The following SYCP2 variants were observed in gnomAD, a reference collection of about 807,000 sequenced individuals.
The protein encoded by SYCP2 is synaptonemal complex protein 2, also known as synaptonemal complex lateral element protein.
SYCP2 carries 55 observed loss-of-function variants against 211.3 expected under a neutral mutation model. The ratio of observed to expected loss-of-function variants is 0.26; its 90% CI spans 0.21 to 0.33. The LOEUF is 0.33. Ranked by LOEUF, SYCP2 falls within the 10% of genes least tolerant of loss-of-function variation. The probability of loss-of-function intolerance (pLI) is 1.00; values close to 1 mark genes in which losing one functional copy is unlikely to be tolerated. For missense variants in SYCP2, 1,731 were observed against 1,752.0 expected, an observed-to-expected ratio of 0.99 and a Z score of 0.21; for synonymous variants, 570 against 555.2, an observed-to-expected ratio of 1.03 and a Z score of -0.37.
Position 59,875,475 on chromosome 20 carries a change from T to A in SYCP2, c.3151-6A>T. 1 of 1,601,408 alleles carries A rather than the reference T, an allele frequency of 6.2e-7. No homozygotes were observed. The highest frequency in any genetic ancestry group is 8.5e-7 in the Non-Finnish European group (1 of 1,173,742). The stretch of plus-strand genomic sequence containing the variant: ...CTGGAATGGATATTCTCCTCCTAAA[T>A]GTATCAATAACTTTCAAATTATACT... On this transcript the variant is annotated splice_region_variant and splice_polypyrimidine_tract_variant and intron_variant, in intron 33 of 44. Coordinates refer to ENST00000357552, the MANE Select transcript of SYCP2 (RefSeq NM_014258.4).
At chr20:59,926,538 A>C (rs1424923448) in intron 2 of SYCP2, among the ~76,000 whole-genome samples, 5 of 152,034 alleles carry the variant, frequency 3.3e-5, no homozygotes, top group Admixed American at 3.3e-4. Flanking sequence ...GTTAGGGCCC[A>C]CCCTAATAAC....
At chr20:59,877,103 G>C (rs1378911801) in intron 33 of SYCP2, among the ~76,000 whole-genome samples, 1 of 151,996 alleles carries the variant, frequency 6.6e-6, no homozygotes, top group East Asian at 1.9e-4. Flanking sequence ...CTTTATTAAA[G>C]CCTAATTTTA....
chr20:59,899,906 T>G (rs946798226), intron 18 of SYCP2: 1 of 479,354 alleles, frequency 2.1e-6, no homozygotes, highest in Non-Finnish European at 3.7e-6. Context: ...ATCTCTAATC[T>G]GCAATTTACA....
intron 14 of SYCP2, among the ~76,000 whole-genome samples, chr20:59,907,678 TTAA>T (rs1366573405): frequency 1.3e-5 from 2 of 152,202 alleles, no homozygotes; most frequent in African/African-American, 4.8e-5. Flanking sequence ...AGAATGACTG[TTAA>T]TATTATATTT....
rs2060816633 is a variant in SYCP2 at position 59,933,565 on chromosome 20, C to A, written c.-140+4G>T. On this transcript the variant is annotated splice_donor_region_variant and intron_variant, in intron 1 of 44. Coordinates refer to ENST00000357552, the MANE Select transcript of SYCP2 (RefSeq NM_014258.4). ...AGCCCACCCAGGCACTCTGCTCAAC[C>A]TGCCTGCGGCAGGAGGCGTCCGCGT... 6.6e-6 allele frequency: 1 copy of A among 152,188 alleles called. No individual in the cohort carries two copies. The highest frequency in any genetic ancestry group is 2.1e-4 in the South Asian group (1 of 4,834). The allele number at this position is 152,188 out of a possible 1,614,324, so 9.4% of individuals were successfully genotyped here.
At chr20:59,870,062 A>G (rs2059421553) in intron 35 of SYCP2, 79 bp from the exon 36 acceptor site, 2 of 949,744 alleles carry the variant, frequency 2.1e-6, no homozygotes, top group African/African-American at 1.7e-5. Context: ...AGAGTTGAAC[A>G]TAAGAAACAT....
chr20:59,919,485 A>AT lies in SYCP2; in HGVS notation c.402+7dup, dbSNP rs1471830318. On this transcript the variant is annotated splice_region_variant and intron_variant, in intron 6 of 44. Transcript: ENST00000357552. ...TATAAATATCAGTGTAATCAATGTGATTTTTACCAGCAGAAGATCAACTAA... is the reference window on the plus strand; with the variant it reads ...TATAAATATCAGTGTAATCAATGTGATTTTTTACCAGCAGAAGATCAACTAA... 1 of 1,545,864 alleles carries AT rather than the reference A, an allele frequency of 6.5e-7. No homozygotes were observed. Among genetic ancestry groups the AT allele is most frequent in the Non-Finnish European group, 8.9e-7 (1 of 1,122,346 alleles).
At chr20:59,878,403 G>A (rs2059602064) in intron 31 of SYCP2, among the ~76,000 whole-genome samples, 1 of 152,074 alleles carries the variant, frequency 6.6e-6, no homozygotes, top group Admixed American at 6.6e-5. Flanking sequence ...AACTTTTACT[G>A]TAAAGTGTTT....
At chr20:59,930,622 A>G (rs1435226390) in intron 2 of SYCP2, among the ~76,000 whole-genome samples, 7 of 152,204 alleles carry the variant, frequency 4.6e-5, no homozygotes, top group Admixed American at 1.3e-4. Context: ...AATCTATATT[A>G]ATATATATGT....
intron 2 of SYCP2, among the ~76,000 whole-genome samples, chr20:59,925,304 GAC>G (rs1277094068): frequency 1.3e-5 from 2 of 151,982 alleles, no homozygotes; most frequent in Admixed American, 6.6e-5. Flanking sequence ...AAACCACCAT[GAC>G]ACACATTTTC....
intron 7 of SYCP2, among the ~76,000 whole-genome samples, chr20:59,918,552 G>A (rs1267845706): frequency 6.6e-6 from 1 of 152,108 alleles, no homozygotes; most frequent in Admixed American, 6.5e-5. Context: ...ACCTTCAATT[G>A]GAAGTGATTA....
At position 59,912,382 on chromosome 20, in the gene SYCP2, A is replaced by G. The variant is rs767369651; in HGVS notation, c.867T>C (p.Asp289=). Residue 289 remains aspartate (D), a synonymous_variant, in exon 13 of 45, where the codon GAT becomes GAC. Coordinates refer to ENST00000357552, the MANE Select transcript of SYCP2 (RefSeq NM_014258.4). ...FTFPCLSAFL[D]KYELQIPSDE... ...TAAATTAAAATTTTACCTCATATTT[A>G]TCAAGAAATGCTGATAAACAAGGAA... 11 of 1,083,958 alleles carry G rather than the reference A, an allele frequency of 1.0e-5. No homozygotes were observed. The Admixed American group carries it at 2.4e-4, about 24-fold the overall frequency. 67.1% of individuals were successfully genotyped at this position (1,083,958 alleles called of 1,614,324 possible).
At chr20:59,891,430 AAAAG>A (rs1217180609) in intron 24 of SYCP2, among the ~76,000 whole-genome samples, 1 of 151,636 alleles carries the variant, frequency 6.6e-6, no homozygotes, top group Non-Finnish European at 1.5e-5. Flanking sequence ...ATTAATCTGA[AAAAG>A]AAAGTGGGAG....
chr20:59,873,813 T>C, intron 35 of SYCP2, 43 bp downstream of exon 35: 1 of 1,470,446 alleles, frequency 6.8e-7, no homozygotes, highest in Admixed American at 2.1e-5. Flanking sequence ...CTTACTACCT[T>C]CAGATATATC....
At chr20:59,923,158 C>T (rs2060572353) in intron 2 of SYCP2, among the ~76,000 whole-genome samples, 1 of 151,852 alleles carries the variant, frequency 6.6e-6, no homozygotes, top group Admixed American at 6.6e-5. Flanking sequence ...CTTATGAAAA[C>T]AGGACCAAAA....
intron 31 of SYCP2, among the ~76,000 whole-genome samples, chr20:59,879,809 GTAAATA>G (rs2059631722): frequency 1.2e-5 from 1 of 81,210 alleles, no homozygotes; most frequent in South Asian, 4.4e-4. Context: ...GGGATATTTA[GTAAATA>G]TAAATAAATA....
intron 14 of SYCP2, among the ~76,000 whole-genome samples, chr20:59,909,105 C>CT (rs1206583982): frequency 2.0e-5 from 3 of 152,144 alleles, no homozygotes; most frequent in Non-Finnish European, 2.9e-5. Flanking sequence ...ACACTATACC[C>CT]TTTTAATTTG....
intron 18 of SYCP2, 159 bp downstream of exon 18, chr20:59,899,979 T>A (rs1197829965): frequency 1.3e-6 from 1 of 761,132 alleles, no homozygotes; most frequent in Non-Finnish European, 2.1e-6. Context: ...ACACACACTA[T>A]CTTTTGTTTG....
At chr20:59,874,586 C>T (rs1264986449) in intron 34 of SYCP2, among the ~76,000 whole-genome samples, 1 of 151,922 alleles carries the variant, frequency 6.6e-6, no homozygotes, top group African/African-American at 2.4e-5. Context: ...TCATAGTGGT[C>T]CTTAGTACTG....
Sources: gnomAD v4.1 joint callset for allele counts (sites outside exome capture counted in the v4.1 genomes callset) on GRCh38, gnomAD v4.1.1 for gene constraint, MANE v1.5 for transcripts, NCBI Gene and HGNC (gene_info 2026-07-23, HGNC 2026-07-21) for gene names.